The following GALNTL6 variants were observed in gnomAD, a reference collection of about 807,000 sequenced individuals.
GALNTL6 encodes the protein polypeptide N-acetylgalactosaminyltransferase-like 6.
In GALNTL6, 46 loss-of-function variants were observed where a neutral mutation model predicts 73.7. The observed-to-expected ratio is 0.62, with a 90% confidence interval of 0.49 to 0.80. The LOEUF (loss-of-function observed/expected upper bound fraction) is 0.80. GALNTL6 is among the 30% of genes least tolerant of loss of function. GALNTL6 has a pLI of 0.00. For synonymous variants in GALNTL6, 259 were observed against 263.7 expected, an observed-to-expected ratio of 0.98 and a Z score of 0.17; for missense variants, 604 against 755.0, an observed-to-expected ratio of 0.80 and a Z score of 2.34.
At chr4:171,872,519 A>G (rs900840298) in intron 2 of GALNTL6, among the ~76,000 whole-genome samples, 11 of 152,224 alleles carry the variant, frequency 7.2e-5, no homozygotes, top group Admixed American at 2.0e-4. Flanking sequence ...ACAAAGTAAC[A>G]CAAACTGAGT....
At chr4:172,736,774 G>A (rs1161714379) in intron 5 of GALNTL6, among the ~76,000 whole-genome samples, 4 of 152,204 alleles carry the variant, frequency 2.6e-5, no homozygotes, top group African/African-American at 9.6e-5. Flanking sequence ...CACAATTTAT[G>A]TTCTTCTGCT....
At chr4:172,226,742 T>C (rs1313550258) in intron 2 of GALNTL6, among the ~76,000 whole-genome samples, 1 of 152,006 alleles carries the variant, frequency 6.6e-6, no homozygotes, top group Non-Finnish European at 1.5e-5. Flanking sequence ...TTTCCTTCTG[T>C]CTCTAATTTT....
rs1416622209 is a variant in GALNTL6 at position 171,987,405 on chromosome 4, G to T, written c.138+172687G>T. 2.6e-5 allele frequency among the ~76,000 whole-genome samples: 4 copies of T among 152,286 alleles called. No homozygotes were observed. In the East Asian group the frequency reaches 5.8e-4, roughly 22 times the overall value. ...TGGGAAGGCTAAACTGAGGAATTAT[G>T]TCTGACAGAAGGGAAGAAATGACTG... On this transcript the variant is annotated intron_variant, in intron 2 of 12. Transcript: ENST00000506823.
At chr4:172,890,223 TTTGTA>T (rs1156553922) in intron 8 of GALNTL6, among the ~76,000 whole-genome samples, 2 of 152,174 alleles carry the variant, frequency 1.3e-5, no homozygotes, top group African/African-American at 4.8e-5. Context: ...TTGTTGATCC[TTTGTA>T]TTGATTTTTG....
rs776471956 is a variant in GALNTL6, at chr4:172,286,986, C to T, written c.248-24628C>T. 5.5e-4 allele frequency among the ~76,000 whole-genome samples: 83 copies of T among 152,234 alleles called. No homozygotes were observed. The Middle Eastern group carries it at 0.01, about 19-fold the overall frequency. On this transcript the variant is annotated intron_variant, in intron 3 of 12. Transcript: ENST00000506823. ...CTTTCACCCCTGCCCTCCCATGTAG[C>T]CATAGTGACCATGTGCCAGGGCTCT...
intron 2 of GALNTL6, among the ~76,000 whole-genome samples, chr4:172,114,013 AC>A (rs2110984400): frequency 6.6e-6 from 1 of 152,256 alleles, no homozygotes; most frequent in East Asian, 1.9e-4. Flanking sequence ...ACAAAAGAAA[AC>A]AGCATAATTG....
At chr4:172,645,628 T>C (rs560084779) in intron 5 of GALNTL6, among the ~76,000 whole-genome samples, 1 of 151,930 alleles carries the variant, frequency 6.6e-6, no homozygotes, top group African/African-American at 2.4e-5. Context: ...AAGCCCTCTA[T>C]AACAAAATTC....
intron 2 of GALNTL6, among the ~76,000 whole-genome samples, chr4:171,883,352 A>T (rs1010818779): frequency 2.0e-5 from 3 of 152,148 alleles, no homozygotes; most frequent in Non-Finnish European, 4.4e-5. Flanking sequence ...ACTCCATCTC[A>T]AAACAAAAGT....
At chr4:172,123,971 T>TA (rs1049385440) in intron 2 of GALNTL6, among the ~76,000 whole-genome samples, 3 of 152,216 alleles carry the variant, frequency 2.0e-5, no homozygotes, top group Non-Finnish European at 2.9e-5. Context: ...AACCTACACT[T>TA]AAGAGTACTT....
At chr4:172,745,123 T>G in intron 5 of GALNTL6, among the ~76,000 whole-genome samples, 1 of 151,880 alleles carries the variant, frequency 6.6e-6, no homozygotes, top group East Asian at 1.9e-4. Flanking sequence ...ACACCCTTTT[T>G]TCTCTCAAAC....
intron 7 of GALNTL6, among the ~76,000 whole-genome samples, chr4:172,854,615 A>T (rs1343843377): frequency 1.3e-5 from 2 of 152,192 alleles, no homozygotes; most frequent in East Asian, 1.9e-4. Context: ...CACTCCTTTC[A>T]ACTAGAATGT....
intron 2 of GALNTL6, among the ~76,000 whole-genome samples, chr4:171,983,563 C>T (rs1739980796): frequency 6.6e-6 from 1 of 151,910 alleles, no homozygotes; most frequent in Non-Finnish European, 1.5e-5. Context: ...GCCATCACGG[C>T]TCATTATAGC....
At chr4:172,952,945 A>G (rs764721832) in intron 10 of GALNTL6, among the ~76,000 whole-genome samples, 2 of 152,238 alleles carry the variant, frequency 1.3e-5, no homozygotes, top group Non-Finnish European at 2.9e-5. Context: ...ACGTGATAAA[A>G]ACCCTCTGTC....
intron 3 of GALNTL6, among the ~76,000 whole-genome samples, chr4:172,283,884 A>C (rs1051926015): frequency 3.4e-4 from 52 of 152,288 alleles, no homozygotes; most frequent in African/African-American, 1.2e-3. Context: ...TCTGCACTTC[A>C]TTTTTATAAT....
intron 5 of GALNTL6, among the ~76,000 whole-genome samples, chr4:172,523,557 G>T (rs550361015): frequency 6.6e-6 from 1 of 152,066 alleles, no homozygotes; most frequent in African/African-American, 2.4e-5. Context: ...TAGAGACATG[G>T]TTTTGCCATG....
Position 172,439,694 on chromosome 4 carries a change from G to C in GALNTL6, c.553+91005G>C, listed in dbSNP as rs1011933508. 2.6e-5 allele frequency among the ~76,000 whole-genome samples: 4 copies of C among 151,666 alleles called. No homozygotes were observed. The Admixed American group carries it at 2.6e-4, about 10-fold the overall frequency. ...TTTTCAATTATCTACACCTCCATCT[G>C]GATTTCTAATATTTATACACATTTA... is the stretch of plus-strand genomic sequence containing the variant. On this transcript the variant is annotated intron_variant, in intron 5 of 12. Coordinates refer to ENST00000506823, the MANE Select transcript of GALNTL6 (RefSeq NM_001034845.3).
chr4:172,082,848 T>C (rs1282994529), intron 2 of GALNTL6, among the ~76,000 whole-genome samples: 1 of 152,166 alleles, frequency 6.6e-6, no homozygotes, highest in East Asian at 1.9e-4. Flanking sequence ...TGGTGGTGCT[T>C]TAAAAAGTTT....
At chr4:172,885,282 G>A (rs1479011319) in intron 8 of GALNTL6, among the ~76,000 whole-genome samples, 1 of 152,030 alleles carries the variant, frequency 6.6e-6, no homozygotes, top group Non-Finnish European at 1.5e-5. Flanking sequence ...TCTTTTGTGT[G>A]TCTTCAGTTT....
At chr4:172,038,380 T>C (rs1333960593) in intron 2 of GALNTL6, among the ~76,000 whole-genome samples, 1 of 152,194 alleles carries the variant, frequency 6.6e-6, no homozygotes, top group African/African-American at 2.4e-5. Context: ...AAGGCCAATT[T>C]GCTAAAGAGA....
Sources: allele counts gnomAD v4.1 joint callset (sites outside exome capture counted in the v4.1 genomes callset), GRCh38; gene constraint gnomAD v4.1.1; transcripts MANE v1.5; gene names NCBI Gene and HGNC (gene_info 2026-07-23, HGNC 2026-07-21).